The following FHOD3 variants were observed in gnomAD, a reference collection of about 807,000 sequenced individuals.
FHOD3 encodes the protein FH1/FH2 domain-containing protein 3.
In FHOD3, 90 loss-of-function variants were observed where a neutral mutation model predicts 173.0. The observed-to-expected ratio is 0.52, with a 90% CI of 0.44 to 0.62. The LOEUF is 0.62. Ranked by LOEUF, FHOD3 falls within the 20% of genes least tolerant of loss-of-function variation. The pLI is 0.00. For synonymous variants in FHOD3, 828 were observed against 823.0 expected (o/e 1.01, Z -0.10); for missense variants, 1,945 against 2,034.7 (o/e 0.96, Z 0.85).
intron 3 of FHOD3, among the ~76,000 whole-genome samples, chr18:36,396,779 T>C (rs554350798): frequency 1.3e-5 from 2 of 152,336 alleles, no homozygotes; most frequent in East Asian, 3.9e-4. Context: ...TTCTTCCTTA[T>C]AATAATTCTG....
chr18:36,471,751 T>C (rs1346485372), intron 3 of FHOD3, among the ~76,000 whole-genome samples: 1 of 152,244 alleles, frequency 6.6e-6, no homozygotes, highest in Non-Finnish European at 1.5e-5. Context: ...CAAATGCTTG[T>C]CTGTCTATCC....
chr18:36,655,806 T>C (rs1441334192), intron 13 of FHOD3, among the ~76,000 whole-genome samples: 5 of 152,092 alleles, frequency 3.3e-5, no homozygotes, highest in African/African-American at 1.2e-4. Flanking sequence ...ATGATCTAGT[T>C]AGTTTGGCTG....
At position 36,718,176 on chromosome 18, in the gene FHOD3, C is replaced by G. The variant is rs2040564526; in HGVS notation, c.2878C>G (p.Pro960Ala). Residue 960 changes from proline to alanine, a missense_variant, in exon 19 of 29, where the codon CCC becomes GCC. Physicochemically the swap from Pro to Ala is conservative, Grantham distance 27. Transcript: ENST00000590592. ...AGGTTCCATCTCCCCTGATGCTGAG[C>G]CCAATGACAAGGTCCCAGAAACAGC... ...GRGSISPDAEPNDKVPETAPV... is the reference protein window; with the variant it reads ...GRGSISPDAEANDKVPETAPV... 6.2e-7 allele frequency: 1 copy of G among 1,612,470 alleles called. No individual in the cohort carries two copies. Among genetic ancestry groups the G allele is most frequent in the Non-Finnish European group, 8.5e-7 (1 of 1,179,272 alleles).
At chr18:36,419,008 A>G (rs1034225830) in intron 3 of FHOD3, among the ~76,000 whole-genome samples, 1 of 152,142 alleles carries the variant, frequency 6.6e-6, no homozygotes, top group Non-Finnish European at 1.5e-5. Flanking sequence ...GGGGGGAATT[A>G]ACACAGTGGG....
At chr18:36,522,977 C>G (rs987500787) in intron 5 of FHOD3, among the ~76,000 whole-genome samples, 1 of 152,222 alleles carries the variant, frequency 6.6e-6, no homozygotes, top group Non-Finnish European at 1.5e-5. Flanking sequence ...CCTCTTCTAT[C>G]CCTAGCTGCT....
intron 2 of FHOD3, among the ~76,000 whole-genome samples, chr18:36,355,930 C>T (rs1002000503): frequency 2.3e-4 from 35 of 152,118 alleles, no homozygotes; most frequent in African/African-American, 8.5e-4. Flanking sequence ...TCATATGTCA[C>T]AATTAAATCG....
chr18:36,653,270 C>A, intron 12 of FHOD3, 72 bp from the exon 13 acceptor site: 1 of 1,227,044 alleles, frequency 8.1e-7, no homozygotes, highest in Non-Finnish European at 1.1e-6. Flanking sequence ...CTTTTTGACG[C>A]TGAAGAATGT....
At chr18:36,702,812 G>A (rs4799881) in intron 17 of FHOD3, among the ~76,000 whole-genome samples, 79,725 of 151,940 alleles carry the variant, frequency 0.52, 21,089 homozygotes, top group African/African-American at 0.56. Flanking sequence ...CACTGTGTGT[G>A]TGTGCGCGTG....
At position 36,718,101 on chromosome 18, in the gene FHOD3, G is replaced by A. The variant is rs1386759431; in HGVS notation, c.2803G>A (p.Gly935Ser). 2.5e-6 allele frequency: 4 copies of A among 1,600,628 alleles called. No homozygotes were observed. The highest frequency in any genetic ancestry group is 3.4e-6 in the Non-Finnish European group (4 of 1,172,892). ...RVDVGCLDNR[G>S]SVKAFAEKFN... Reference sequence around the variant, plus strand: ...GGATGTCGGCTGTTTGGACAATCGGGGCAGTGTGAAAGCATTTGCTGAGAA... The same window carrying A: ...GGATGTCGGCTGTTTGGACAATCGGAGCAGTGTGAAAGCATTTGCTGAGAA... Residue 935 changes from glycine to serine, a missense_variant, in exon 19 of 29, where the codon GGC becomes AGC. Physicochemically the swap from Gly to Ser is moderately conservative, Grantham distance 56. Transcript: ENST00000590592.
intron 4 of FHOD3, among the ~76,000 whole-genome samples, chr18:36,506,310 C>G (rs964746532): frequency 2.6e-5 from 4 of 152,132 alleles, no homozygotes; most frequent in Non-Finnish European, 4.4e-5. Context: ...TTTTCAAAAG[C>G]AGTTTAGCAT....
At chr18:36,317,459 A>G (rs1193339281) in intron 1 of FHOD3, among the ~76,000 whole-genome samples, 3 of 152,092 alleles carry the variant, frequency 2.0e-5, no homozygotes, top group Non-Finnish European at 4.4e-5. Flanking sequence ...TTTGATTTGC[A>G]TTTTTCTAAT....
intron 3 of FHOD3, among the ~76,000 whole-genome samples, chr18:36,475,831 T>C (rs1489612875): frequency 6.6e-6 from 1 of 151,940 alleles, no homozygotes; most frequent in African/African-American, 2.4e-5. Context: ...TCTTTTTTTT[T>C]GTAAATTGCA....
At chr18:36,631,063 G>A (rs1216758247) in intron 10 of FHOD3, among the ~76,000 whole-genome samples, 1 of 152,188 alleles carries the variant, frequency 6.6e-6, no homozygotes, top group Non-Finnish European at 1.5e-5. Flanking sequence ...ACCATGCTTA[G>A]GTGGGCTCCA....
At chr18:36,748,152 C>T (rs761127176) in intron 24 of FHOD3, among the ~76,000 whole-genome samples, 7 of 152,028 alleles carry the variant, frequency 4.6e-5, no homozygotes, top group Non-Finnish European at 1.0e-4. Flanking sequence ...GACAACTATC[C>T]GTCAGTCAGT....
At chr18:36,738,767 G>T (rs182088592) in intron 20 of FHOD3, among the ~76,000 whole-genome samples, 2 of 152,300 alleles carry the variant, frequency 1.3e-5, no homozygotes, top group African/African-American at 4.8e-5. Flanking sequence ...GTTCTGAACT[G>T]TCTGCTCTGT....
chr18:36,557,650 A>AT (rs1201538257), intron 5 of FHOD3, among the ~76,000 whole-genome samples: 2 of 151,874 alleles, frequency 1.3e-5, no homozygotes, highest in Non-Finnish European at 2.9e-5. Context: ...ATGTGTGGTA[A>AT]TTTTTTATTG....
chr18:36,601,273 A>G (rs1568479545), intron 7 of FHOD3, among the ~76,000 whole-genome samples: 1 of 152,188 alleles, frequency 6.6e-6, no homozygotes, highest in Admixed American at 6.5e-5. Context: ...CTTTCTATTC[A>G]CTTAGGAAAG....
chr18:36,762,009 G>A (rs1477316580), intron 27 of FHOD3, among the ~76,000 whole-genome samples: 3 of 151,998 alleles, frequency 2.0e-5, no homozygotes, highest in Non-Finnish European at 4.4e-5. Flanking sequence ...ATTTTCGTAG[G>A]CTCTAATGAA....
intron 16 of FHOD3, among the ~76,000 whole-genome samples, chr18:36,690,397 G>T (rs911369798): frequency 2.0e-5 from 3 of 152,154 alleles, no homozygotes; most frequent in Non-Finnish European, 4.4e-5. Flanking sequence ...TCGGTCTGTG[G>T]ATTGAGTGTG....
Sources: gnomAD v4.1 joint callset for allele counts (sites outside exome capture counted in the v4.1 genomes callset) on GRCh38, gnomAD v4.1.1 for gene constraint, MANE v1.5 for transcripts, NCBI Gene and HGNC (gene_info 2026-07-23, HGNC 2026-07-21) for gene names.